Variants in TIE1 observed in about 807,000 individuals in gnomAD.
The protein encoded by TIE1 is tyrosine kinase with immunoglobulin like and EGF like domains 1.
A neutral mutation model predicts 130.5 loss-of-function variants in TIE1; 89 were observed. That is an observed-to-expected ratio of 0.68 (90% CI 0.57 to 0.81). TIE1 has a LOEUF of 0.81. TIE1 is among the 40% of genes least tolerant of loss of function. The probability of loss-of-function intolerance (pLI) is 0.00; values close to 1 mark genes in which losing one functional copy is unlikely to be tolerated. For synonymous variants in TIE1, 568 were observed against 629.4 expected, an observed-to-expected ratio of 0.90 and a Z score of 1.46; for missense variants, 1,392 against 1,559.8, an observed-to-expected ratio of 0.89 and a Z score of 1.81.
rs778838545 is a variant in TIE1 at position 43,313,162 on chromosome 1, C to G, written c.1955C>G (p.Ala652Gly). ...CCTCCAGCCCCCCGACACCTCCACGCCCAGGCCCTCTCAGACTCCGAGATC... is the reference window on the plus strand; with the variant it reads ...CCTCCAGCCCCCCGACACCTCCACGGCCAGGCCCTCTCAGACTCCGAGATC... Reference protein sequence around the residue: ...SGPPAPRHLHAQALSDSEIQL... With the variant: ...SGPPAPRHLHGQALSDSEIQL... The change falls in exon 13 of 23, where the codon GCC becomes GGC. Residue 652 changes from alanine (A) to glycine (G), a missense_variant. This residue lies in a region of TIE1 where 551 missense variants were observed against 565.5 expected (regional missense o/e 0.97). Coordinates refer to ENST00000372476, the MANE Select transcript of TIE1 (RefSeq NM_005424.5). This position sits in a 1 kb window ranked among gnomAD's most constrained non-coding sequence, Gnocchi z 6.2. The G allele has an allele frequency of 6.2e-7, 1 of 1,611,554 alleles. No homozygotes were observed. The highest frequency in any genetic ancestry group is 1.7e-5 in the Admixed American group (1 of 59,946).
Position 43,307,096 on chromosome 1 carries a change from G to C in TIE1, c.641-46G>C. 1 of 1,613,602 alleles carries C rather than the reference G, an allele frequency of 6.2e-7. No individual in the cohort carries two copies. The highest frequency in any genetic ancestry group is 8.5e-7 in the Non-Finnish European group (1 of 1,179,888). On this transcript the variant is annotated intron_variant, in intron 4 of 22. Transcript: ENST00000372476. This position sits in a 1 kb window ranked among gnomAD's most constrained non-coding sequence, Gnocchi z 5.4. The stretch of plus-strand genomic sequence containing the variant: ...GGAGCCCCTGGATCTCCAGTCCTCA[G>C]TGGTCAGGTGGGTGAGGGTCAGCTG...
At position 43,306,752 on chromosome 1, in the gene TIE1, A is replaced by G. The variant is rs1212046191; in HGVS notation, c.485-88A>G. The G allele has an allele frequency of 8.7e-6, 13 of 1,485,928 alleles. No homozygotes were observed. The highest frequency in any genetic ancestry group is 1.2e-5 in the Non-Finnish European group (13 of 1,108,836). The allele number at this position is 1,485,928 out of a possible 1,614,324, so 92.0% of individuals were successfully genotyped here. On this transcript the variant is annotated intron_variant, in intron 3 of 22. Coordinates refer to ENST00000372476, the MANE Select transcript of TIE1 (RefSeq NM_005424.5). This position sits in a 1 kb window ranked among gnomAD's most constrained non-coding sequence, Gnocchi z 4.9. ...GGTCTCATCACTGTGCATGGGGCTC[A>G]TTGATGTGAGCTGAGCAGAGGTGGA...
chr1:43,323,045 C>A lies in TIE1; in HGVS notation c.*323C>A. 1 of 304,296 alleles carries A rather than the reference C, an allele frequency of 3.3e-6. No individual in the cohort carries two copies. Among genetic ancestry groups the A allele is most frequent in the Non-Finnish European group, 6.1e-6 (1 of 162,786 alleles). 18.8% of individuals were successfully genotyped at this position (304,296 alleles called of 1,614,324 possible). A position where few individuals can be genotyped will look rare whatever the true frequency, so the allele number is the denominator to read the frequency against. On this transcript the variant is annotated 3_prime_UTR_variant, in exon 23 of 23. Transcript: ENST00000372476. ...CCAGCACTCACACCACTAACATGCC[C>A]TGTTCAGCTACTCCCACTCCCGGCC... is the stretch of plus-strand genomic sequence containing the variant.
In TIE1 at chr1:43,313,536, T is replaced by G. The variant is rs576116069; in HGVS notation, c.2218+111T>G. The G allele has an allele frequency of 8.0e-4, 1,095 of 1,365,324 alleles. 12 individuals carry two copies. The South Asian group carries it at 0.013, about 16-fold the overall frequency. The allele number at this position is 1,365,324 out of a possible 1,614,324, so 84.6% of individuals were successfully genotyped here. The stretch of plus-strand genomic sequence containing the variant: ...GAGCTAGGGCATCCCAGGCCCCTCC[T>G]GACAAAGAGTCAGCCCCAGTCCTGG... On this transcript the variant is annotated intron_variant, in intron 13 of 22. Coordinates refer to ENST00000372476, the MANE Select transcript of TIE1 (RefSeq NM_005424.5). The surrounding 1 kb of genome is among the most constrained non-coding windows in gnomAD (Gnocchi z 6.2).
chr1:43,318,013 C>A lies in TIE1; in HGVS notation c.2863C>A (p.Gln955Lys). The A allele has an allele frequency of 6.3e-7, 1 of 1,593,496 alleles. No homozygotes were observed. Among genetic ancestry groups the A allele is most frequent in the Non-Finnish European group, 8.6e-7 (1 of 1,169,282 alleles). The change falls in exon 17 of 23, where the codon CAG becomes AAG. Residue 955 changes from glutamine to lysine, a missense_variant. By Grantham distance (53) the Gln-to-Lys change is moderately conservative. Coordinates refer to ENST00000372476, the MANE Select transcript of TIE1 (RefSeq NM_005424.5). The surrounding 1 kb of genome is among the most constrained non-coding windows in gnomAD (Gnocchi z 4.4). ...GACAGCCTCTACCCTTAGCTCCCGG[C>A]AGCTGCTGCGTTTCGCCAGTGATGC... ...HGTASTLSSR[Q>K]LLRFASDAAN...
chr1:43,314,220 C>T (rs1319386780), intron 14 of TIE1: 4 of 690,494 alleles, frequency 5.8e-6, no homozygotes, highest in East Asian at 3.5e-5. Context: ...AAAAGAATTC[C>T]GTGATGACCA....
At chr1:43,320,297 G>A (rs1271118084) in intron 19 of TIE1, 1 of 152,364 alleles carries the variant, frequency 6.6e-6, no homozygotes. Flanking sequence ...ACCTCTCAGT[G>A]CCTCAGTGTC....
At chr1:43,303,396 C>T (rs1040658045) in intron 1 of TIE1, among the ~76,000 whole-genome samples, 3 of 152,154 alleles carry the variant, frequency 2.0e-5, no homozygotes, top group African/African-American at 7.2e-5. Context: ...GAAAGAATAT[C>T]CACTTCACTG....
chr1:43,323,038 A>C lies in TIE1; in HGVS notation c.*316A>C. 6.1e-6 allele frequency: 2 copies of C among 329,516 alleles called. No homozygotes were observed. The highest frequency in any genetic ancestry group is 1.1e-5 in the Non-Finnish European group (2 of 177,178). The allele number at this position is 329,516 out of a possible 1,614,324, so 20.4% of individuals were successfully genotyped here. A position where few individuals can be genotyped will look rare whatever the true frequency, so the allele number is the denominator to read the frequency against. ...GCTTAAGCCAGCACTCACACCACTA[A>C]CATGCCCTGTTCAGCTACTCCCACT... On this transcript the variant is annotated 3_prime_UTR_variant, in exon 23 of 23. Transcript: ENST00000372476.
chr1:43,302,830 G>A (rs994525850), intron 1 of TIE1, among the ~76,000 whole-genome samples: 6 of 152,106 alleles, frequency 3.9e-5, no homozygotes, highest in East Asian at 3.9e-4. Flanking sequence ...AGGTGAGTAA[G>A]GATGAGGGCT....
chr1:43,307,516 C>A lies in TIE1; in HGVS notation c.857C>A (p.Pro286Gln). The A allele has an allele frequency of 6.2e-7, 1 of 1,614,202 alleles. No individual in the cohort carries two copies. The highest frequency in any genetic ancestry group is 8.5e-7 in the Non-Finnish European group (1 of 1,180,028). The change falls in exon 6 of 23, where the codon CCA becomes CAA. Residue 286 changes from proline to glutamine, a missense_variant. Physicochemically the swap from Pro to Gln is moderately conservative, Grantham distance 76 (BLOSUM62 -1). Coordinates refer to ENST00000372476, the MANE Select transcript of TIE1 (RefSeq NM_005424.5). This position sits in a 1 kb window ranked among gnomAD's most constrained non-coding sequence, Gnocchi z 5.4. ...TGCCGGGGCCTCACCTTCTGCCTCCCAGACCCCTATGGCTGCTCTTGTGGA... is the reference window on the plus strand; with the variant it reads ...TGCCGGGGCCTCACCTTCTGCCTCCAAGACCCCTATGGCTGCTCTTGTGGA... ...SGCRGLTFCLPDPYGCSCGSG... is the reference protein window; with the variant it reads ...SGCRGLTFCLQDPYGCSCGSG...
At chr1:43,320,624 G>T (rs537582014) in intron 19 of TIE1, 1 of 152,100 alleles carries the variant, frequency 6.6e-6, no homozygotes, top group Non-Finnish European at 1.5e-5. Context: ...AGGCCAAGGC[G>T]GGCAGATCAC....
In TIE1 at chr1:43,317,505, C is replaced by T; in HGVS notation, c.2621-59C>T. ...CTTCCTCCAGCAATTGACCCCAGCCCTTGCCAGCCCTTTCTCCAGAGTTAT... is the reference window on the plus strand; with the variant it reads ...CTTCCTCCAGCAATTGACCCCAGCCTTTGCCAGCCCTTTCTCCAGAGTTAT... On this transcript the variant is annotated intron_variant, in intron 15 of 22. Transcript: ENST00000372476. The surrounding 1 kb of genome is among the most constrained non-coding windows in gnomAD (Gnocchi z 5.1). 1 of 1,607,680 alleles carries T rather than the reference C, an allele frequency of 6.2e-7. No individual in the cohort carries two copies. Among genetic ancestry groups the T allele is most frequent in the Non-Finnish European group, 8.5e-7 (1 of 1,174,190 alleles).
chr1:43,305,379 AC>A, intron 3 of TIE1, 36 bp downstream of exon 3: 3 of 1,488,412 alleles, frequency 2.0e-6, no homozygotes. Context: ...GGGAGGGTAG[AC>A]CCATCGTTCT....
Position 43,317,583 on chromosome 1 carries a change from C to A in TIE1, c.2640C>A (p.Asp880Glu). 2 of 1,608,178 alleles carry A rather than the reference C, an allele frequency of 1.2e-6. No individual in the cohort carries two copies. Among genetic ancestry groups the A allele is most frequent in the Non-Finnish European group, 1.7e-6 (2 of 1,176,092 alleles). Reference sequence around the variant, plus strand: ...ACACAGAGTATGCCTCTGAAAATGACCATCGTGACTTTGCGGGAGAACTGG... The same window carrying A: ...ACACAGAGTATGCCTCTGAAAATGAACATCGTGACTTTGCGGGAGAACTGG... ...KMLKEYASEN[D>E]HRDFAGELEV... The change falls in exon 16 of 23, where the codon GAC becomes GAA. Residue 880 changes from aspartate (D) to glutamate (E), a missense_variant. Around this residue, in one of 6 missense-constraint regions of TIE1, gnomAD observed 286 missense variants for 354.4 expected, o/e 0.81. Coordinates refer to ENST00000372476, the MANE Select transcript of TIE1 (RefSeq NM_005424.5). The surrounding 1 kb of genome is among the most constrained non-coding windows in gnomAD (Gnocchi z 5.1).
chr1:43,313,431 A>G lies in TIE1; in HGVS notation c.2218+6A>G. ...AGAGTCCACCCTGGGCAACGGTGAGAGGGCAGGGCCCACAGGACCCCCCGG... is the reference window on the plus strand; with the variant it reads ...AGAGTCCACCCTGGGCAACGGTGAGGGGGCAGGGCCCACAGGACCCCCCGG... On this transcript the variant is annotated splice_donor_region_variant and intron_variant, in intron 13 of 22. Transcript: ENST00000372476. This position sits in a 1 kb window ranked among gnomAD's most constrained non-coding sequence, Gnocchi z 6.2. The G allele has an allele frequency of 6.2e-7, 1 of 1,613,640 alleles. No homozygotes were observed. The highest frequency in any genetic ancestry group is 1.3e-5 in the African/African-American group (1 of 74,986).
chr1:43,304,619 T>C (rs566690090), intron 1 of TIE1, among the ~76,000 whole-genome samples: 23 of 151,788 alleles, frequency 1.5e-4, no homozygotes, highest in Admixed American at 1.2e-3. Flanking sequence ...TGAAGAGACT[T>C]GAGGGAAAGA....
intron 14 of TIE1, among the ~76,000 whole-genome samples, chr1:43,314,862 G>A (rs1646844233): frequency 1.3e-5 from 2 of 152,132 alleles, no homozygotes; most frequent in South Asian, 4.1e-4. Context: ...CAGAACTAAA[G>A]AACTGTAGGG....
rs1324706272 is a variant in TIE1, at chr1:43,311,830, G to A, written c.1492+1G>A. On this transcript the variant is annotated splice_donor_variant, in intron 10 of 22. Transcript: ENST00000372476. LOFTEE classifies it high-confidence loss of function. Reference sequence around the variant, plus strand: ...ACCATGGACTGGTCGACCATTGTGGGTGAGTAGGGAGAGAGCTGGGGCAGG... The same window carrying A: ...ACCATGGACTGGTCGACCATTGTGGATGAGTAGGGAGAGAGCTGGGGCAGG... The A allele has an allele frequency of 2.5e-6, 4 of 1,612,662 alleles. No individual in the cohort carries two copies. Among genetic ancestry groups the A allele is most frequent in the Non-Finnish European group, 3.4e-6 (4 of 1,179,204 alleles).
Sources: allele counts gnomAD v4.1 joint callset (sites outside exome capture counted in the v4.1 genomes callset), GRCh38; gene constraint gnomAD v4.1.1; regional missense constraint gnomAD v4.1.1; non-coding constraint Gnocchi (gnomAD v3.1); transcripts MANE v1.5; gene names NCBI Gene and HGNC (gene_info 2026-07-23, HGNC 2026-07-21).